The following PCDHGA7 variants were observed in gnomAD, a reference collection of about 807,000 sequenced individuals.
The protein encoded by PCDHGA7 is protocadherin gamma subfamily A, 7, also known as protocadherin gamma-A7.
Under a neutral mutation model 58.3 loss-of-function variants are expected in PCDHGA7, and 44 were observed. That is an observed-to-expected ratio of 0.75 (90% CI 0.59 to 0.97). The LOEUF (loss-of-function observed/expected upper bound fraction) is 0.97. Ranked by LOEUF, PCDHGA7 falls within the 50% of genes least tolerant of loss-of-function variation. The probability of loss-of-function intolerance (pLI) is 0.00; values close to 1 mark genes in which losing one functional copy is unlikely to be tolerated. For synonymous variants in PCDHGA7, 516 were observed against 504.2 expected (o/e 1.02, Z -0.31); for missense variants, 1,266 against 1,188.7 (o/e 1.06, Z -0.96).
rs1388608588 is a variant in PCDHGA7 at position 141,481,102 on chromosome 5, A to T, written c.2425-13705A>T. The stretch of plus-strand genomic sequence containing the variant: ...GAAAAAAGAAAAGCAGTACTCTGGA[A>T]CCTACCAATCCATCATTTAGCATAT... On this transcript the variant is annotated intron_variant, in intron 1 of 3. Transcript: ENST00000518325. 3.3e-5 allele frequency among the ~76,000 whole-genome samples: 5 copies of T among 152,288 alleles called. No individual in the cohort carries two copies. The East Asian group carries it at 7.7e-4, about 24-fold the overall frequency.
intron 1 of PCDHGA7, among the ~76,000 whole-genome samples, chr5:141,467,395 G>A (rs1197131223): frequency 6.6e-6 from 1 of 152,056 alleles, no homozygotes; most frequent in African/African-American, 2.4e-5. Flanking sequence ...TTAAGTCATA[G>A]TTAGAAAGCC....
At chr5:141,408,378 TG>T (rs780092463) in intron 1 of PCDHGA7, 2 of 1,614,002 alleles carry the variant, frequency 1.2e-6, no homozygotes, top group Admixed American at 1.7e-5. Flanking sequence ...CTCAGTGTCC[TG>T]GATGTGTCGG....
Position 141,388,695 on chromosome 5 carries a change from G to A in PCDHGA7, c.2424+3372G>A, listed in dbSNP as rs2091456760. On this transcript the variant is annotated intron_variant, in intron 1 of 3. Coordinates refer to ENST00000518325, the MANE Select transcript of PCDHGA7 (RefSeq NM_018920.4). ...ACAGGTGACTGCCACGGACCAGGAT[G>A]AGGGTGTCAATGCCGAGATTACTTT... The A allele has an allele frequency of 3.7e-6, 6 of 1,614,018 alleles. No homozygotes were observed. Among genetic ancestry groups the A allele is most frequent in the Middle Eastern group, 1.6e-4 (1 of 6,062 alleles).
In PCDHGA7 at chr5:141,450,775, C is replaced by T. The variant is rs561501224; in HGVS notation, c.2425-44032C>T. ...GTGCCGGGATTACAGGCATGAGCCA[C>T]CGTGCCCGGACCTCATGATTGTATT... On this transcript the variant is annotated intron_variant, in intron 1 of 3. Coordinates refer to ENST00000518325, the MANE Select transcript of PCDHGA7 (RefSeq NM_018920.4). Among the ~76,000 whole-genome samples the T allele has an allele frequency of 2.3e-3, 352 of 151,748 alleles. 1 individual carries two copies. The highest frequency in any genetic ancestry group is 4.5e-3 in the Non-Finnish European group (306 of 67,958).
intron 3 of PCDHGA7, 59 bp from the exon 4 acceptor site, chr5:141,510,888 A>C (rs2099883233): frequency 6.2e-7 from 1 of 1,612,646 alleles, no homozygotes. Flanking sequence ...GGGATATAAG[A>C]CAGTGACTGT....
Position 141,511,132 on chromosome 5 carries a change from A to G in PCDHGA7, c.2758A>G (p.Asn920Asp). The change falls in exon 4 of 4, where the codon AAT (asparagine) becomes GAT (aspartate). Residue 920 changes from asparagine to aspartate, a missense_variant. Coordinates refer to ENST00000518325, the MANE Select transcript of PCDHGA7 (RefSeq NM_018920.4). ...GGATGGCAAGGCCCCAGCAGGTGGC[A>G]ATGGCAACAAGAAGAAGTCGGGCAA... ...KRDGKAPAGG[N>D]GNKKKSGKKE... is the part of the protein sequence containing the mutation. The G allele has an allele frequency of 6.2e-7, 1 of 1,614,218 alleles. No individual in the cohort carries two copies. Among genetic ancestry groups the G allele is most frequent in the Non-Finnish European group, 8.5e-7 (1 of 1,180,018 alleles).
chr5:141,389,749 G>C (rs1361443182), intron 1 of PCDHGA7: 1 of 1,612,740 alleles, frequency 6.2e-7, no homozygotes, highest in South Asian at 1.1e-5. Context: ...CTGCGCACGG[G>C]CGAAGTGCGC....
At chr5:141,439,029 G>A (rs2098083069) in intron 1 of PCDHGA7, among the ~76,000 whole-genome samples, 1 of 151,510 alleles carries the variant, frequency 6.6e-6, no homozygotes, top group Non-Finnish European at 1.5e-5. Flanking sequence ...GAAAATAGAT[G>A]CCTCAGTTCA....
At chr5:141,397,267 A>G (rs1411112086) in intron 1 of PCDHGA7, among the ~76,000 whole-genome samples, 1 of 152,230 alleles carries the variant, frequency 6.6e-6, no homozygotes, top group East Asian at 1.9e-4. Flanking sequence ...TCTTAGCTAC[A>G]TCATATGGGC....
intron 1 of PCDHGA7, among the ~76,000 whole-genome samples, chr5:141,463,479 C>T (rs1162346496): frequency 4.1e-5 from 5 of 120,544 alleles, no homozygotes; most frequent in Non-Finnish European, 8.1e-5. Flanking sequence ...GATGGAGTCT[C>T]GCTCTGTCAC....
chr5:141,432,706 C>G lies in PCDHGA7; in HGVS notation c.2424+47383C>G, dbSNP rs761752571. The G allele has an allele frequency of 6.2e-7, 1 of 1,613,988 alleles. No homozygotes were observed. Among genetic ancestry groups the G allele is most frequent in the African/African-American group, 1.3e-5 (1 of 75,072 alleles). Reference sequence around the variant, plus strand: ...GCCTCGTAGTGGCCGTCCAGGACCACGGCCAGCCCCCTCTCTCCGCCACTG... The same window carrying G: ...GCCTCGTAGTGGCCGTCCAGGACCAGGGCCAGCCCCCTCTCTCCGCCACTG... On this transcript the variant is annotated intron_variant, in intron 1 of 3. Transcript: ENST00000518325. The surrounding 1 kb of genome is among the most constrained non-coding windows in gnomAD (Gnocchi z 6.0).
chr5:141,399,612 G>A (rs1191904235), intron 1 of PCDHGA7: 1 of 1,613,812 alleles, frequency 6.2e-7, no homozygotes, highest in African/African-American at 1.3e-5. Flanking sequence ...TAGAGCCTCT[G>A]GCACTGGCCT....
chr5:141,415,194 C>T (rs1252476580), intron 1 of PCDHGA7: 2 of 1,614,064 alleles, frequency 1.2e-6, no homozygotes, highest in Non-Finnish European at 1.7e-6. Context: ...ACAGCATCCC[C>T]CAAGTCCTGG....
rs139344941 is a variant in PCDHGA7, at chr5:141,480,950, C to T, written c.2425-13857C>T. Among the ~76,000 whole-genome samples the T allele has an allele frequency of 6.7e-3, 1,016 of 152,086 alleles. 11 individuals carry two copies. Among genetic ancestry groups the T allele is most frequent in the African/African-American group, 0.023 (953 of 41,456 alleles). On this transcript the variant is annotated intron_variant, in intron 1 of 3. Transcript: ENST00000518325. ...GTCCCAGCTACTCTAGAGGCTGAGG[C>T]GGAAGCATCAGTGAGGGAGAATCAG...
chr5:141,499,763 T>C (rs2099794343), intron 2 of PCDHGA7, among the ~76,000 whole-genome samples: 1 of 148,434 alleles, frequency 6.7e-6, no homozygotes, highest in African/African-American at 2.5e-5. Flanking sequence ...CTCAGCTCAC[T>C]GCAGCCTTCG....
chr5:141,476,770 C>T lies in PCDHGA7; in HGVS notation c.2425-18037C>T, dbSNP rs1452363016. 6.2e-7 allele frequency: 1 copy of T among 1,613,568 alleles called. No homozygotes were observed. The highest frequency in any genetic ancestry group is 8.5e-7 in the Non-Finnish European group (1 of 1,180,020). ...TCCAGTTAGTGCTGACGGCGTTGGA[C>T]GGAGGGACCCCAGCTCTCTCCGCCA... On this transcript the variant is annotated intron_variant, in intron 1 of 3. Coordinates refer to ENST00000518325, the MANE Select transcript of PCDHGA7 (RefSeq NM_018920.4). This position sits in a 1 kb window ranked among gnomAD's most constrained non-coding sequence, Gnocchi z 7.6.
intron 1 of PCDHGA7, chr5:141,420,276 T>C: frequency 6.6e-7 from 1 of 1,523,250 alleles, no homozygotes; most frequent in Non-Finnish European, 8.9e-7. Context: ...CTTAAACAGG[T>C]AAGTATTTAA....
At chr5:141,422,747 C>T (rs1381295469) in intron 1 of PCDHGA7, 2 of 1,611,224 alleles carry the variant, frequency 1.2e-6, no homozygotes, top group Non-Finnish European at 1.7e-6. Context: ...TCCTATGTCT[C>T]TATTAACTCC....
chr5:141,388,170 T>A (rs756859307), intron 1 of PCDHGA7: 1 of 1,495,754 alleles, frequency 6.7e-7, no homozygotes, highest in East Asian at 2.3e-5. Context: ...GGAGGAGATA[T>A]GCGGGAAGAA....
Sources: gnomAD v4.1 joint callset for allele counts (sites outside exome capture counted in the v4.1 genomes callset) on GRCh38, gnomAD v4.1.1 for gene constraint, Gnocchi (gnomAD v3.1) non-coding constraint, MANE v1.5 for transcripts, NCBI Gene and HGNC (gene_info 2026-07-23, HGNC 2026-07-21) for gene names.